SYNE2: variants seen among roughly 807,000 people sequenced by gnomAD.
SYNE2 encodes the protein spectrin repeat containing nuclear envelope protein 2.
In SYNE2, 431 loss-of-function variants were observed where a neutral mutation model predicts 856.3. The ratio of observed to expected loss-of-function variants is 0.50; its 90% CI spans 0.47 to 0.55. SYNE2 has a LOEUF of 0.55. Ranked by LOEUF, SYNE2 falls within the 20% of genes least tolerant of loss-of-function variation. The pLI is 0.00. For synonymous variants in SYNE2, 2,923 were observed against 2,872.3 expected (o/e 1.02, Z -0.56); for missense variants, 8,129 against 8,023.2 (o/e 1.01, Z -0.50).
chr14:64,168,383 G>A (rs912701569), intron 92 of SYNE2, among the ~76,000 whole-genome samples: 2 of 152,136 alleles, frequency 1.3e-5, no homozygotes, highest in African/African-American at 4.8e-5. Context: ...GATTACAAAG[G>A]ACACATTTCA....
rs947874984 is a variant in SYNE2, at chr14:64,062,751, G to A, written c.10068G>A (p.Arg3356=). ...AFKAQETEAE[R]YLENYKCYRK... ...TTTTTTTCTAACTGTGACTCACTAG[G>A]TATCTTGAGAATTACAAATGCTATA... is the stretch of plus-strand genomic sequence containing the variant. The change falls in exon 50 of 116, where the codon AGG becomes AGA. Residue 3356 remains arginine (R), a splice_region_variant and synonymous_variant. Coordinates refer to ENST00000555002, the MANE Select transcript of SYNE2 (RefSeq NM_182914.3). 1.2e-6 allele frequency: 2 copies of A among 1,612,814 alleles called. No individual in the cohort carries two copies. Among genetic ancestry groups the A allele is most frequent in the Middle Eastern group, 1.7e-4 (1 of 6,058 alleles).
intron 73 of SYNE2, among the ~76,000 whole-genome samples, chr14:64,127,872 G>A (rs1198715059): frequency 6.6e-6 from 1 of 152,210 alleles, no homozygotes; most frequent in Non-Finnish European, 1.5e-5. Flanking sequence ...AATCCAGCCT[G>A]TGGGAAACTG....
chr14:63,815,021 T>C (rs921340045), intron 1 of SYNE2, among the ~76,000 whole-genome samples: 19 of 144,518 alleles, frequency 1.3e-4, no homozygotes, highest in Admixed American at 3.6e-4. Flanking sequence ...TATACATCCA[T>C]ATATATCCAT....
At chr14:63,766,203 C>A (rs887848309) in intron 1 of SYNE2, among the ~76,000 whole-genome samples, 4 of 151,804 alleles carry the variant, frequency 2.6e-5, no homozygotes, top group Admixed American at 2.6e-4. Flanking sequence ...CTCAGCCTCC[C>A]GAGTAGTTGG....
intron 1 of SYNE2, among the ~76,000 whole-genome samples, chr14:63,821,324 C>T (rs1013572401): frequency 2.0e-5 from 3 of 152,070 alleles, no homozygotes; most frequent in African/African-American, 4.8e-5. Flanking sequence ...ACTAATCTAG[C>T]TTCTACAATT....
rs772123900 is a variant in SYNE2, at chr14:64,025,049, T to G, written c.5960+18T>G. The G allele has an allele frequency of 1.2e-6, 2 of 1,614,000 alleles. No individual in the cohort carries two copies. Among genetic ancestry groups the G allele is most frequent in the Non-Finnish European group, 1.7e-6 (2 of 1,179,902 alleles). On this transcript the variant is annotated intron_variant, in intron 40 of 115. Coordinates refer to ENST00000555002, the MANE Select transcript of SYNE2 (RefSeq NM_182914.3). ...AGAAAGAGGTATAGCTGATCTTGTA[T>G]GAAATACATTACCTGAGATTATGGT... is the stretch of plus-strand genomic sequence containing the variant.
chr14:64,038,046 G>A (rs1351216006), intron 45 of SYNE2, among the ~76,000 whole-genome samples: 2 of 142,324 alleles, frequency 1.4e-5, no homozygotes, highest in African/African-American at 5.1e-5. Context: ...CTTCTCAGAC[G>A]GGGCAGTTGC....
At chr14:64,022,965 A>T in intron 38 of SYNE2, 102 bp downstream of exon 38, 1 of 712,152 alleles carries the variant, frequency 1.4e-6, no homozygotes, top group Admixed American at 2.2e-5. Flanking sequence ...ATGGTAACTC[A>T]CACCTGTAAT....
intron 2 of SYNE2, among the ~76,000 whole-genome samples, chr14:63,920,534 C>G (rs1303667589): frequency 6.7e-6 from 1 of 149,846 alleles, no homozygotes; most frequent in Non-Finnish European, 1.5e-5. Flanking sequence ...GGAATTTTTC[C>G]TAAGACCAAG....
intron 70 of SYNE2, among the ~76,000 whole-genome samples, chr14:64,124,032 C>G (rs2153669471): frequency 6.6e-6 from 1 of 152,176 alleles, no homozygotes; most frequent in African/African-American, 2.4e-5. Context: ...TGGTGAAACC[C>G]CATCTCTACT....
chr14:64,180,676 G>T (rs560180989), intron 96 of SYNE2, among the ~76,000 whole-genome samples: 1 of 152,162 alleles, frequency 6.6e-6, no homozygotes, highest in African/African-American at 2.4e-5. Context: ...GCTAATTTTT[G>T]TATTTTTAGT....
chr14:64,128,016 T>C (rs1400988976), intron 73 of SYNE2, among the ~76,000 whole-genome samples: 2 of 152,210 alleles, frequency 1.3e-5, no homozygotes, highest in East Asian at 1.9e-4. Flanking sequence ...TGGATCATCA[T>C]TGAAACAAAT....
At position 64,044,919 on chromosome 14, in the gene SYNE2, C is replaced by T. The variant is rs761902933; in HGVS notation, c.7222-3081C>T. Among the ~76,000 whole-genome samples the T allele has an allele frequency of 1.4e-4, 22 of 151,994 alleles. 2 individuals carry two copies. The highest frequency in any genetic ancestry group is 9.2e-4 in the Admixed American group (14 of 15,254). On this transcript the variant is annotated intron_variant, in intron 45 of 115. Transcript: ENST00000555002. The stretch of plus-strand genomic sequence containing the variant: ...TATGTCTTTACCAGCAACATGCAAA[C>T]GGCCTGATACAGTTATATTTTATTC...
chr14:64,143,719 TTGATC>T lies in SYNE2; in HGVS notation c.15307-49_15307-45del, dbSNP rs374787424. 124 of 1,599,014 alleles carry T rather than the reference TTGATC, an allele frequency of 7.8e-5. 2 individuals carry two copies. In the African/African-American group the frequency reaches 1.1e-3, roughly 14 times the overall value. ...CTCGAGCACATAAAGGGAAATCCAT[TTGATC>T]TGACCAACATTCATGACTGCTTTGG... On this transcript the variant is annotated intron_variant, in intron 82 of 115. Transcript: ENST00000555002.
intron 37 of SYNE2, 67 bp downstream of exon 37, chr14:64,022,095 C>A: frequency 1.4e-6 from 2 of 1,465,480 alleles, no homozygotes; most frequent in Non-Finnish European, 1.9e-6. Context: ...ACTGTGAACA[C>A]AAAAGCTAAT....
At chr14:64,118,054 T>G (rs1454140326) in intron 66 of SYNE2, among the ~76,000 whole-genome samples, 1 of 152,254 alleles carries the variant, frequency 6.6e-6, no homozygotes, top group Non-Finnish European at 1.5e-5. Flanking sequence ...TGTTACAGCT[T>G]GCTTGGATGA....
At chr14:63,880,738 T>A (rs948647574) in intron 1 of SYNE2, among the ~76,000 whole-genome samples, 2 of 151,132 alleles carry the variant, frequency 1.3e-5, no homozygotes, top group Non-Finnish European at 2.9e-5. Context: ...AGTGGTGTAA[T>A]CATGGCTCCC....
intron 78 of SYNE2, among the ~76,000 whole-genome samples, chr14:64,137,557 T>C (rs2098104510): frequency 1.3e-5 from 2 of 152,120 alleles, no homozygotes; most frequent in African/African-American, 4.8e-5. Flanking sequence ...AGCCAGTAAG[T>C]CTACAAAGTT....
chr14:64,170,884 C>A (rs1224631325), intron 94 of SYNE2, among the ~76,000 whole-genome samples: 1 of 152,024 alleles, frequency 6.6e-6, no homozygotes, highest in Non-Finnish European at 1.5e-5. Flanking sequence ...ATGAATAAGA[C>A]CTACTATTTG....
Sources: gnomAD v4.1 joint callset for allele counts (sites outside exome capture counted in the v4.1 genomes callset) on GRCh38, gnomAD v4.1.1 for gene constraint, MANE v1.5 for transcripts, NCBI Gene and HGNC (gene_info 2026-07-23, HGNC 2026-07-21) for gene names.